PIP4K2C: variants seen among roughly 807,000 people sequenced by gnomAD.
PIP4K2C encodes phosphatidylinositol-5-phosphate 4-kinase type 2 gamma, also known as phosphatidylinositol 5-phosphate 4-kinase type-2 gamma.
A neutral mutation model predicts 45.0 loss-of-function variants in PIP4K2C; 21 were observed. That is an observed-to-expected ratio of 0.47 (90% CI 0.33 to 0.67). The LOEUF is 0.67. PIP4K2C is among the 30% of genes least tolerant of loss of function. The pLI, the probability that PIP4K2C is intolerant of heterozygous loss-of-function variation, is 0.02. For synonymous variants in PIP4K2C, 201 were observed against 204.8 expected (o/e 0.98, Z 0.16); for missense variants, 456 against 542.8 (o/e 0.84, Z 1.59).
rs914373784 is a variant in PIP4K2C, at chr12:57,595,951, T to A, written c.433T>A (p.Tyr145Asn). The change falls in exon 4 of 10, where the codon TAC (tyrosine) becomes AAC (asparagine). Residue 145 changes from tyrosine (Y) to asparagine (N), a missense_variant. By Grantham distance (143) the Tyr-to-Asn change is moderately radical. Around this residue, in one of 2 missense-constraint regions of PIP4K2C, gnomAD observed 421 missense variants for 473.1 expected, o/e 0.89. Coordinates refer to ENST00000354947, the MANE Select transcript of PIP4K2C (RefSeq NM_024779.5). ...CAGTGATGGTCGCTTCCTTATCTCC[T>A]ACGATCGGACTCTGGTCATCAAAGA... ...EGSDGRFLISYDRTLVIKEVS... is the reference protein window; with the variant it reads ...EGSDGRFLISNDRTLVIKEVS... The A allele has an allele frequency of 6.2e-7, 1 of 1,614,040 alleles. No homozygotes were observed. Among genetic ancestry groups the A allele is most frequent in the Non-Finnish European group, 8.5e-7 (1 of 1,179,906 alleles).
intron 7 of PIP4K2C, 145 bp from the exon 8 acceptor site, chr12:57,600,666 C>T (rs1769746672): frequency 9.7e-7 from 1 of 1,030,280 alleles, no homozygotes; most frequent in Non-Finnish European, 1.4e-6. Context: ...CATATAGGCA[C>T]TAAAGGCAGT....
intron 4 of PIP4K2C, 113 bp downstream of exon 4, chr12:57,596,144 C>A: frequency 7.7e-7 from 1 of 1,300,810 alleles, no homozygotes; most frequent in Non-Finnish European, 1.1e-6. Flanking sequence ...AGAGAGAATC[C>A]ATAATCATAT....
chr12:57,599,539 G>T, intron 6 of PIP4K2C, 101 bp downstream of exon 6: 1 of 1,243,518 alleles, frequency 8.0e-7, no homozygotes, highest in South Asian at 1.2e-5. Context: ...TAGGAATAGG[G>T]ATTACTAGCT....
chr12:57,602,783 G>A lies in PIP4K2C; in HGVS notation c.*1177G>A, dbSNP rs1883496735. Reference sequence around the variant, plus strand: ...GTCATCTTCACTCTCCACCCCCAGAGAGGAGTCAGAGCCATAACTCAATCA... The same window carrying A: ...GTCATCTTCACTCTCCACCCCCAGAAAGGAGTCAGAGCCATAACTCAATCA... On this transcript the variant is annotated 3_prime_UTR_variant, in exon 10 of 10. Coordinates refer to ENST00000354947, the MANE Select transcript of PIP4K2C (RefSeq NM_024779.5). The A allele has an allele frequency of 6.5e-6, 1 of 152,714 alleles. No individual in the cohort carries two copies. The highest frequency in any genetic ancestry group is 2.4e-5 in the African/African-American group (1 of 41,414). 9.5% of individuals were successfully genotyped at this position (152,714 alleles called of 1,614,324 possible). A position where few individuals can be genotyped will look rare whatever the true frequency, so the allele number is the denominator to read the frequency against.
rs1469341926 is a variant in PIP4K2C, at chr12:57,591,287, A to G, written c.-3A>G. On this transcript the variant is annotated 5_prime_UTR_variant, in exon 1 of 10. Coordinates refer to ENST00000354947, the MANE Select transcript of PIP4K2C (RefSeq NM_024779.5). ...TTCCACTTGGTCGGTTGCGCGGGAGACTATGGCGTCCTCCTCGGTCCCACC... is the reference window on the plus strand; with the variant it reads ...TTCCACTTGGTCGGTTGCGCGGGAGGCTATGGCGTCCTCCTCGGTCCCACC... 1.2e-6 allele frequency: 2 copies of G among 1,605,836 alleles called. No individual in the cohort carries two copies. Among genetic ancestry groups the G allele is most frequent in the Admixed American group, 1.7e-5 (1 of 59,388 alleles).
Position 57,601,021 on chromosome 12 carries a change from C to T in PIP4K2C, c.1024C>T (p.Leu342=). ...IGGYIHSHRP[L]GPGEFESFID... is the part of the protein sequence containing the mutation. Reference sequence around the variant, plus strand: ...AGGCTACATCCATTCCCATCGGCCCCTGGGCCCAGGAGAGTTTGAGTCCTT... The same window carrying T: ...AGGCTACATCCATTCCCATCGGCCCTTGGGCCCAGGAGAGTTTGAGTCCTT... The change falls in exon 8 of 10, where the codon CTG becomes TTG. Residue 342 remains leucine, a synonymous_variant. Coordinates refer to ENST00000354947, the MANE Select transcript of PIP4K2C (RefSeq NM_024779.5). 2 of 1,614,064 alleles carry T rather than the reference C, an allele frequency of 1.2e-6. No homozygotes were observed. The highest frequency in any genetic ancestry group is 1.7e-6 in the Non-Finnish European group (2 of 1,180,038).
intron 4 of PIP4K2C, among the ~76,000 whole-genome samples, chr12:57,597,753 C>T (rs969275379): frequency 4.6e-5 from 7 of 152,072 alleles, no homozygotes; most frequent in East Asian, 1.9e-4. Context: ...ACATTCCATA[C>T]GGGATTCGAC....
At chr12:57,595,333 A>G in intron 3 of PIP4K2C, 111 bp downstream of exon 3, 1 of 760,686 alleles carries the variant, frequency 1.3e-6, no homozygotes, top group Non-Finnish European at 2.3e-6. Flanking sequence ...ATAATTCTTT[A>G]CCTTTTTGTG....
At chr12:57,595,357 C>T (rs1403879361) in intron 3 of PIP4K2C, 135 bp downstream of exon 3, 11 of 679,428 alleles carry the variant, frequency 1.6e-5, no homozygotes, top group Admixed American at 1.3e-4. Flanking sequence ...GCAGCATTTT[C>T]AAAAATTTAA....
chr12:57,598,088 T>A lies in PIP4K2C; in HGVS notation c.514-977T>A, dbSNP rs191548051. The A allele has an allele frequency of 5.2e-4, 79 of 152,252 alleles. 1 individual carries two copies. Among genetic ancestry groups the A allele is most frequent in the African/African-American group, 1.9e-3 (77 of 41,518 alleles). The allele number at this position is 152,252 out of a possible 1,614,324, so 9.4% of individuals were successfully genotyped here. A position where few individuals can be genotyped will look rare whatever the true frequency, so the allele number is the denominator to read the frequency against. ...GTAAGCACTGAAGGAGTAATTTTTG[T>A]TTTTTAGAGACAGGATCTCACTGTG... On this transcript the variant is annotated intron_variant, in intron 4 of 9. Coordinates refer to ENST00000354947, the MANE Select transcript of PIP4K2C (RefSeq NM_024779.5).
intron 1 of PIP4K2C, 55 bp downstream of exon 1, chr12:57,591,518 C>T: frequency 6.7e-7 from 1 of 1,489,020 alleles, no homozygotes; most frequent in Non-Finnish European, 9.0e-7. Context: ...GGCTCCGAGG[C>T]GTCCCTGTTT....
Position 57,601,888 on chromosome 12 carries a change from T to C in PIP4K2C, c.*282T>C. 1 of 451,726 alleles carries C rather than the reference T, an allele frequency of 2.2e-6. No individual in the cohort carries two copies. Among genetic ancestry groups the C allele is most frequent in the East Asian group, 4.3e-5 (1 of 23,434 alleles). 28.0% of individuals were successfully genotyped at this position (451,726 alleles called of 1,614,324 possible). A position where few individuals can be genotyped will look rare whatever the true frequency, so the allele number is the denominator to read the frequency against. ...ATTGTTGACTCTCTCCCAAGTGCCT[T>C]GATCTTTGTAATATCTCCTGTTGTT... is the stretch of plus-strand genomic sequence containing the variant. On this transcript the variant is annotated 3_prime_UTR_variant, in exon 10 of 10. Coordinates refer to ENST00000354947, the MANE Select transcript of PIP4K2C (RefSeq NM_024779.5).
At chr12:57,594,264 T>G in intron 2 of PIP4K2C, 142 bp downstream of exon 2, 1 of 683,262 alleles carries the variant, frequency 1.5e-6, no homozygotes, top group Non-Finnish European at 2.4e-6. Context: ...ATGAGAATAA[T>G]TTCTGGTGTT....
In PIP4K2C at chr12:57,591,212, G is replaced by T; in HGVS notation, c.-78G>T. The T allele has an allele frequency of 1.4e-6, 2 of 1,449,424 alleles. No homozygotes were observed. The highest frequency in any genetic ancestry group is 2.5e-5 in the South Asian group (2 of 78,474). 89.8% of individuals were successfully genotyped at this position (1,449,424 alleles called of 1,614,324 possible). A position where few individuals can be genotyped will look rare whatever the true frequency, so the allele number is the denominator to read the frequency against. ...CCTCCGGTCACGTGACAGCAGCGCAGGTGAGCGCCGCTTCCGGGGTCGGGC... is the reference window on the plus strand; with the variant it reads ...CCTCCGGTCACGTGACAGCAGCGCATGTGAGCGCCGCTTCCGGGGTCGGGC... On this transcript the variant is annotated 5_prime_UTR_variant, in exon 1 of 10. It adds an upstream start codon to the 5' untranslated region. Coordinates refer to ENST00000354947, the MANE Select transcript of PIP4K2C (RefSeq NM_024779.5).
chr12:57,596,916 T>C (rs1415528158), intron 4 of PIP4K2C, among the ~76,000 whole-genome samples: 1 of 152,202 alleles, frequency 6.6e-6, no homozygotes, highest in Admixed American at 6.5e-5. Flanking sequence ...TAAGAGTTGA[T>C]CCTTGAAGGA....
At chr12:57,592,850 A>G (rs1883020771) in intron 1 of PIP4K2C, among the ~76,000 whole-genome samples, 1 of 149,758 alleles carries the variant, frequency 6.7e-6, no homozygotes, top group Admixed American at 6.6e-5. Context: ...GGTGGGGAGG[A>G]GGGGGCAGGA....
At position 57,591,308 on chromosome 12, in the gene PIP4K2C, C is replaced by A. The variant is rs199510992; in HGVS notation, c.19C>A (p.Pro7Thr). 1.2e-6 allele frequency: 2 copies of A among 1,612,400 alleles called. No individual in the cohort carries two copies. The highest frequency in any genetic ancestry group is 1.3e-5 in the African/African-American group (1 of 74,934). Residue 7 changes from proline to threonine, a missense_variant, in exon 1 of 10, where the codon CCA (proline) becomes ACA (threonine). Pro to Thr is a conservative substitution (Grantham distance 38, BLOSUM62 -1). This residue lies in a region of PIP4K2C where 421 missense variants were observed against 473.1 expected (regional missense o/e 0.89). Transcript: ENST00000354947. MASSSV[P>T]PATVSAATAG... ...GGAGACTATGGCGTCCTCCTCGGTC[C>A]CACCAGCCACGGTATCGGCGGCGAC...
intron 2 of PIP4K2C, 118 bp from the exon 3 acceptor site, chr12:57,595,008 C>A: frequency 3.1e-6 from 2 of 651,618 alleles, no homozygotes; most frequent in Non-Finnish European, 2.7e-6. Flanking sequence ...AAAAAAAGGA[C>A]CTCACAGGGT....
intron 6 of PIP4K2C, 49 bp downstream of exon 6, chr12:57,599,487 G>A: frequency 6.5e-7 from 1 of 1,526,970 alleles, no homozygotes; most frequent in Non-Finnish European, 9.1e-7. Context: ...ATGAGGGAGG[G>A]CAGATGAGGG....
Sources: allele counts gnomAD v4.1 joint callset (sites outside exome capture counted in the v4.1 genomes callset), GRCh38; gene constraint gnomAD v4.1.1; regional missense constraint gnomAD v4.1.1; transcripts MANE v1.5; gene names NCBI Gene and HGNC (gene_info 2026-07-23, HGNC 2026-07-21).